Variants in UNC13C observed in about 807,000 individuals in gnomAD.
The protein encoded by UNC13C is protein unc-13 homolog C.
In UNC13C, 174 loss-of-function variants were observed where a neutral mutation model predicts 245.4. The observed-to-expected ratio is 0.71, with a 90% CI of 0.63 to 0.80. The LOEUF is 0.80. Among genes scored for constraint, UNC13C ranks in the 30% least tolerant of loss-of-function variants. The pLI is 0.00. For missense variants in UNC13C, 2,829 were observed against 2,602.9 expected (o/e 1.09, Z -1.89); for synonymous variants, 992 against 895.1 (o/e 1.11, Z -1.93).
chr15:54,013,153 A>G lies in UNC13C; in HGVS notation c.250A>G (p.Lys84Glu). The G allele has an allele frequency of 1.2e-6, 2 of 1,613,890 alleles. No homozygotes were observed. The highest frequency in any genetic ancestry group is 1.1e-5 in the South Asian group (1 of 91,074). ...ATCCACTGAGGAAGACGAGGCCAGT[A>G]AAGAGTTTTCCCTCTCACCAACATT... The part of the protein sequence containing the change: ...NLSTEEDEAS[K>E]EFSLSPTFSY... The change falls in exon 2 of 33, where the codon AAA becomes GAA. Residue 84 changes from lysine to glutamate, a missense_variant. Lys to Glu is a moderately conservative substitution (Grantham distance 56). Coordinates refer to ENST00000260323, the MANE Select transcript of UNC13C (RefSeq NM_001080534.3).
At chr15:54,244,431 C>T (rs963723633) in intron 7 of UNC13C, among the ~76,000 whole-genome samples, 2 of 152,100 alleles carry the variant, frequency 1.3e-5, no homozygotes, top group Non-Finnish European at 2.9e-5. Context: ...GTTATTTTTA[C>T]TTAGGATTGT....
chr15:54,104,782 T>C (rs1352928991), intron 2 of UNC13C, among the ~76,000 whole-genome samples: 3 of 152,312 alleles, frequency 2.0e-5, no homozygotes, highest in Non-Finnish European at 4.4e-5. Flanking sequence ...CCACCTTTCA[T>C]ATTAGTGGTT....
At chr15:54,205,252 G>C (rs926407116) in intron 4 of UNC13C, among the ~76,000 whole-genome samples, 2 of 151,882 alleles carry the variant, frequency 1.3e-5, no homozygotes, top group Admixed American at 1.3e-4. Flanking sequence ...TATTGTTTCT[G>C]TTTAATTCTC....
At chr15:54,121,454 G>T (rs2030662917) in intron 2 of UNC13C, among the ~76,000 whole-genome samples, 1 of 152,176 alleles carries the variant, frequency 6.6e-6, no homozygotes, top group South Asian at 2.1e-4. Context: ...GCTTTATTAT[G>T]GTGGTCTGGA....
intron 19 of UNC13C, among the ~76,000 whole-genome samples, chr15:54,479,468 A>T (rs1892980365): frequency 6.6e-6 from 1 of 152,086 alleles, no homozygotes; most frequent in South Asian, 2.1e-4. Flanking sequence ...GTATCTTTAC[A>T]GGTGGAGTAA....
At chr15:54,175,461 G>C (rs139656968) in intron 4 of UNC13C, among the ~76,000 whole-genome samples, 257 of 149,986 alleles carry the variant, frequency 1.7e-3, no homozygotes, top group African/African-American at 6.0e-3. Context: ...TTTCCAGTAG[G>C]AAAAGAGACA....
the UNC13C span, among the ~76,000 whole-genome samples, chr15:53,946,281 G>C: frequency 6.6e-6 from 1 of 151,986 alleles, no homozygotes; most frequent in East Asian, 1.9e-4. Flanking sequence ...TTGAATAGGA[G>C]TGGTGAGTGA....
chr15:54,183,757 G>GAAA (rs56121438), intron 4 of UNC13C, among the ~76,000 whole-genome samples: 1 of 115,052 alleles, frequency 8.7e-6, no homozygotes, highest in South Asian at 3.0e-4. Context: ...TTGTGAGACA[G>GAAA]AAAAAAAAAA....
intron 30 of UNC13C, among the ~76,000 whole-genome samples, chr15:54,621,732 A>T (rs2141310697): frequency 6.6e-6 from 1 of 152,340 alleles, no homozygotes; most frequent in Admixed American, 6.5e-5. Flanking sequence ...TGTGATTTGA[A>T]TTCATGTTTA....
chr15:54,206,875 A>G (rs560333067), intron 4 of UNC13C, among the ~76,000 whole-genome samples: 189 of 152,240 alleles, frequency 1.2e-3, no homozygotes, highest in African/African-American at 4.4e-3. Context: ...CAAGAACACA[A>G]TTCATGAATG....
At chr15:54,519,480 A>T (rs986570892) in intron 24 of UNC13C, among the ~76,000 whole-genome samples, 1 of 152,170 alleles carries the variant, frequency 6.6e-6, no homozygotes, top group Non-Finnish European at 1.5e-5. Context: ...GCACAGTGAC[A>T]GTTGGATTTA....
chr15:54,268,780 T>G (rs191105412), intron 10 of UNC13C, among the ~76,000 whole-genome samples: 8 of 152,274 alleles, frequency 5.3e-5, no homozygotes, highest in African/African-American at 1.9e-4. Flanking sequence ...TTTCTAGGAC[T>G]GGCTGTGTGT....
chr15:54,131,928 C>T (rs2031441366), intron 2 of UNC13C, among the ~76,000 whole-genome samples: 1 of 152,170 alleles, frequency 6.6e-6, no homozygotes, highest in Admixed American at 6.5e-5. Context: ...ACCCACTCCT[C>T]TCCCGAATGA....
intron 2 of UNC13C, among the ~76,000 whole-genome samples, chr15:54,101,237 G>T: frequency 6.6e-6 from 1 of 150,786 alleles, no homozygotes; most frequent in African/African-American, 2.4e-5. Context: ...TTAGTTATTT[G>T]GCTGGTAGCA....
chr15:54,222,869 C>T (rs1473487708), intron 4 of UNC13C, among the ~76,000 whole-genome samples: 1 of 151,996 alleles, frequency 6.6e-6, no homozygotes, highest in Non-Finnish European at 1.5e-5. Flanking sequence ...TTTTCATATA[C>T]CTTCTTGCCA....
chr15:54,212,492 G>A (rs914686536), intron 4 of UNC13C, among the ~76,000 whole-genome samples: 9 of 151,844 alleles, frequency 5.9e-5, no homozygotes, highest in East Asian at 3.9e-4. Flanking sequence ...ACACAATACC[G>A]TGCTCCTTGT....
At chr15:54,029,665 A>G (rs942009443) in intron 2 of UNC13C, among the ~76,000 whole-genome samples, 1 of 152,210 alleles carries the variant, frequency 6.6e-6, no homozygotes, top group Non-Finnish European at 1.5e-5. Context: ...AAGTAAGACA[A>G]TGCCATAAAA....
At chr15:54,049,554 G>A in intron 2 of UNC13C, 1 of 277,050 alleles carries the variant, frequency 3.6e-6, no homozygotes, top group East Asian at 1.2e-4. Flanking sequence ...TTACGAACCT[G>A]TATGGTCCTT....
chr15:54,557,616 C>T lies in UNC13C; in HGVS notation c.5958+2104C>T, dbSNP rs564580726. 2.0e-5 allele frequency among the ~76,000 whole-genome samples: 3 copies of T among 151,602 alleles called. No homozygotes were observed. In the East Asian group the frequency reaches 5.9e-4, roughly 30 times the overall value. On this transcript the variant is annotated intron_variant, in intron 29 of 32. Coordinates refer to ENST00000260323, the MANE Select transcript of UNC13C (RefSeq NM_001080534.3). The stretch of plus-strand genomic sequence containing the variant: ...GGAGCACTATAATGCAAGCAGAGAC[C>T]TTATGAGAAAGATGACCTTAGACCA...
Sources: allele counts gnomAD v4.1 joint callset (sites outside exome capture counted in the v4.1 genomes callset), GRCh38; gene constraint gnomAD v4.1.1; transcripts MANE v1.5; gene names NCBI Gene and HGNC (gene_info 2026-07-23, HGNC 2026-07-21).